The following CCDC32 variants were observed in gnomAD, a reference collection of about 807,000 sequenced individuals.
CCDC32 encodes the protein coiled-coil domain containing 32.
Under a neutral mutation model 20.1 loss-of-function variants are expected in CCDC32, and 9 were observed. The ratio of observed to expected loss-of-function variants is 0.45; its 90% CI spans 0.27 to 0.78. The LOEUF (loss-of-function observed/expected upper bound fraction) is 0.78. Ranked by LOEUF, CCDC32 falls within the 30% of genes least tolerant of loss-of-function variation. CCDC32 has a pLI of 0.16. For missense variants in CCDC32, 204 were observed against 215.5 expected (o/e 0.95, Z 0.33); for synonymous variants, 63 against 79.0 (o/e 0.80, Z 1.07).
At position 40,560,492 on chromosome 15, in the gene CCDC32, A is replaced by G. The variant is rs147710179; in HGVS notation, c.244+2280T>C. Among the ~76,000 whole-genome samples the G allele has an allele frequency of 1.1e-3, 172 of 152,360 alleles. 3 individuals carry two copies. In the East Asian group the frequency reaches 0.032, roughly 28 times the overall value. ...ATCTAACAAAGGACTAATATCCAGA[A>G]TCTACAAGGTGCTCAAACAAATCAG... On this transcript the variant is annotated intron_variant, in intron 2 of 3. Coordinates refer to ENST00000416810, the MANE Select transcript of CCDC32 (RefSeq NM_001080792.4).
downstream of CCDC32, among the ~76,000 whole-genome samples, chr15:40,524,291 G>A (rs2141592509): frequency 6.6e-6 from 1 of 150,896 alleles, no homozygotes; most frequent in Admixed American, 6.6e-5. Context: ...CGAGTAGCTG[G>A]GACTATAGGC....
chr15:40,541,518 G>T (rs1361337747), intron 3 of CCDC32, among the ~76,000 whole-genome samples: 1 of 152,112 alleles, frequency 6.6e-6, no homozygotes, highest in Non-Finnish European at 1.5e-5. Flanking sequence ...TTTTAGTAGA[G>T]ACATGGTTTT....
At chr15:40,540,607 G>A (rs1889352220) in intron 3 of CCDC32, among the ~76,000 whole-genome samples, 1 of 152,034 alleles carries the variant, frequency 6.6e-6, no homozygotes, top group Non-Finnish European at 1.5e-5. Flanking sequence ...GGCCTCAGGT[G>A]ATCTGCCTGC....
At chr15:40,551,023 A>G (rs1189426164), downstream of CCDC32, among the ~76,000 whole-genome samples, 1 of 151,940 alleles carries the variant, frequency 6.6e-6, no homozygotes, top group East Asian at 1.9e-4. Flanking sequence ...GTTGTTTCTG[A>G]GGAAGAATAA....
downstream of CCDC32, among the ~76,000 whole-genome samples, chr15:40,551,931 T>C (rs939265564): frequency 6.7e-6 from 1 of 150,118 alleles, no homozygotes; most frequent in African/African-American, 2.5e-5. Flanking sequence ...GGTGGAAGGA[T>C]AGCTTGAGCC....
chr15:40,529,371 T>A (rs1888810660), intron 3 of CCDC32, among the ~76,000 whole-genome samples: 1 of 152,196 alleles, frequency 6.6e-6, no homozygotes, highest in Non-Finnish European at 1.5e-5. Flanking sequence ...GTACAAATAA[T>A]AGAAACTCTA....
At chr15:40,522,846 T>TG in the CCDC32 span, among the ~76,000 whole-genome samples, 4 of 149,188 alleles carry the variant, frequency 2.7e-5, no homozygotes, top group Non-Finnish European at 4.5e-5. Flanking sequence ...TTTTTTTTTT[T>TG]GAAACTATTT....
chr15:40,537,411 G>A (rs973486384), downstream of CCDC32: 2 of 152,282 alleles, frequency 1.3e-5, no homozygotes. Flanking sequence ...ATGATGCAGT[G>A]CCTGTGTCCC....
chr15:40,557,490 C>A, intron 2 of CCDC32, 118 bp from the exon 3 acceptor site: 1 of 988,328 alleles, frequency 1.0e-6, no homozygotes. Context: ...TCCACACTCC[C>A]TGCCAAAGAG....
Position 40,553,863 on chromosome 15 carries a change from G to T in CCDC32, c.*108C>A. 7.1e-7 allele frequency: 1 copy of T among 1,407,146 alleles called. No homozygotes were observed. The highest frequency in any genetic ancestry group is 9.4e-7 in the Non-Finnish European group (1 of 1,067,232). The allele number at this position is 1,407,146 out of a possible 1,614,324, so 87.2% of individuals were successfully genotyped here. On this transcript the variant is annotated 3_prime_UTR_variant, in exon 4 of 4. Transcript: ENST00000416810. Reference sequence around the variant, plus strand: ...TGGATTTCTCCCTGCTGCTGTCACTGAGCTCCACGCTGCTCGCTCTGGACC... The same window carrying T: ...TGGATTTCTCCCTGCTGCTGTCACTTAGCTCCACGCTGCTCGCTCTGGACC...
At chr15:40,544,243 T>A (rs1174207310) in intron 3 of CCDC32, among the ~76,000 whole-genome samples, 1 of 152,136 alleles carries the variant, frequency 6.6e-6, no homozygotes, top group Admixed American at 6.5e-5. Flanking sequence ...AGACAGGATC[T>A]TGCTCTGTCG....
chr15:40,525,409 C>T (rs1357052202), downstream of CCDC32, among the ~76,000 whole-genome samples: 1 of 151,240 alleles, frequency 6.6e-6, no homozygotes, highest in Non-Finnish European at 1.5e-5. Flanking sequence ...GTAATCCGCC[C>T]GCCTCAGCCT....
intron 2 of CCDC32, among the ~76,000 whole-genome samples, chr15:40,561,029 A>G (rs1890585308): frequency 1.3e-5 from 2 of 152,260 alleles, no homozygotes; most frequent in South Asian, 4.1e-4. Flanking sequence ...CTACTCAGCC[A>G]TAAGAAATAA....
At chr15:40,532,020 C>T (rs1353954476), downstream of CCDC32, 5 of 328,542 alleles carry the variant, frequency 1.5e-5, no homozygotes, top group African/African-American at 1.1e-4. Context: ...CTGGAGGTTC[C>T]GGTTTCTTCT....
chr15:40,553,683 A>T lies in CCDC32; in HGVS notation c.*288T>A. Reference sequence around the variant, plus strand: ...TAACCTGCAGAGACAGAGCTCAGCCAAGCTGTGAGACACAGAGGAAAGCAG... The same window carrying T: ...TAACCTGCAGAGACAGAGCTCAGCCTAGCTGTGAGACACAGAGGAAAGCAG... On this transcript the variant is annotated 3_prime_UTR_variant, in exon 4 of 4. Transcript: ENST00000416810. 2 of 1,191,706 alleles carry T rather than the reference A, an allele frequency of 1.7e-6. No homozygotes were observed. Among genetic ancestry groups the T allele is most frequent in the Non-Finnish European group, 2.1e-6 (2 of 962,796 alleles). The allele number at this position is 1,191,706 out of a possible 1,614,324, so 73.8% of individuals were successfully genotyped here.
intron 3 of CCDC32, among the ~76,000 whole-genome samples, chr15:40,540,370 CTT>C (rs869261368): frequency 1.9e-4 from 16 of 83,002 alleles, no homozygotes; most frequent in Admixed American, 3.1e-4. Context: ...TTTTCTTTTT[CTT>C]TTTTTTTTTT....
At chr15:40,552,634 G>A (rs1039965919), downstream of CCDC32, among the ~76,000 whole-genome samples, 1 of 151,734 alleles carries the variant, frequency 6.6e-6, no homozygotes, top group Admixed American at 6.6e-5. Context: ...CAATAGCCGG[G>A]TGTAGTGGTT....
chr15:40,522,939 G>C, the CCDC32 span, among the ~76,000 whole-genome samples: 3 of 149,244 alleles, frequency 2.0e-5, no homozygotes, highest in Admixed American at 1.3e-4. Flanking sequence ...CGATTCTCCC[G>C]CCTCAACCTC....
intron 3 of CCDC32, among the ~76,000 whole-genome samples, chr15:40,555,952 CA>C (rs1890203333): frequency 6.6e-6 from 1 of 152,188 alleles, no homozygotes; most frequent in South Asian, 2.1e-4. Flanking sequence ...TAGTAACAGC[CA>C]ACACTTCTAT....
Sources: allele counts gnomAD v4.1 joint callset (sites outside exome capture counted in the v4.1 genomes callset), GRCh38; gene constraint gnomAD v4.1.1; transcripts MANE v1.5; gene names NCBI Gene and HGNC (gene_info 2026-07-23, HGNC 2026-07-21).